EXT1: variants seen among roughly 807,000 people sequenced by gnomAD.
EXT1 encodes the protein exostosin glycosyltransferase 1.
A neutral mutation model predicts 82.5 loss-of-function variants in EXT1; 20 were observed. The observed-to-expected ratio is 0.24, with a 90% CI of 0.17 to 0.35. EXT1 has a LOEUF of 0.35. EXT1 is among the 10% of genes least tolerant of loss of function. The pLI is 1.00. For synonymous variants in EXT1, 348 were observed against 350.8 expected (o/e 0.99, Z 0.09); for missense variants, 757 against 936.5 (o/e 0.81, Z 2.50).
chr8:117,927,078 A>G (rs890259036), intron 1 of EXT1, among the ~76,000 whole-genome samples: 4 of 152,196 alleles, frequency 2.6e-5, no homozygotes, highest in African/African-American at 7.2e-5. Flanking sequence ...ACTGTCCCCT[A>G]CATAAGAAAA....
At chr8:117,815,360 C>G (rs540668561) in intron 7 of EXT1, among the ~76,000 whole-genome samples, 58 of 152,326 alleles carry the variant, frequency 3.8e-4, no homozygotes, top group African/African-American at 1.3e-3. Context: ...TCTTCCTCAT[C>G]ATCTGCCCAA....
chr8:118,016,106 TC>T (rs1433865543), intron 1 of EXT1, among the ~76,000 whole-genome samples: 1 of 152,146 alleles, frequency 6.6e-6, no homozygotes, highest in African/African-American at 2.4e-5. Flanking sequence ...TTAAAGCCAC[TC>T]CAGGCGGGGC....
intron 1 of EXT1, among the ~76,000 whole-genome samples, chr8:118,025,807 A>G (rs1353744352): frequency 6.6e-6 from 1 of 152,180 alleles, no homozygotes; most frequent in Non-Finnish European, 1.5e-5. Flanking sequence ...GACAATTATG[A>G]AACATGTCAG....
At chr8:118,037,832 T>C (rs969628085) in intron 1 of EXT1, among the ~76,000 whole-genome samples, 16 of 147,776 alleles carry the variant, frequency 1.1e-4, no homozygotes, top group African/African-American at 3.4e-4. Context: ...CAAGAGTGTT[T>C]TTTGTTTTTT....
rs1817245523 is a variant in EXT1, at chr8:118,078,244, G to T, written c.962+31841C>A. Among the ~76,000 whole-genome samples, 4 of 152,044 alleles carry T rather than the reference G, an allele frequency of 2.6e-5. No individual in the cohort carries two copies. The South Asian group carries it at 8.3e-4, about 32-fold the overall frequency. ...GATGAAGTCTCGCTCTGTCACCCAG[G>T]TTGGCGTGCAGTGGCACAATCTCCA... On this transcript the variant is annotated intron_variant, in intron 1 of 10. Transcript: ENST00000378204.
chr8:118,111,691 G>A lies in EXT1; in HGVS notation c.-645C>T, dbSNP rs556019364. On this transcript the variant is annotated 5_prime_UTR_variant, in exon 1 of 11. Coordinates refer to ENST00000378204, the MANE Select transcript of EXT1 (RefSeq NM_000127.3). ...CGGCCCCCGGGACGCGCGGCGGCCC[G>A]GCTGGAGGCGGCGGCGGCGGCGGCG... is the stretch of plus-strand genomic sequence containing the variant. 6 of 218,198 alleles carry A rather than the reference G, an allele frequency of 2.7e-5. No individual in the cohort carries two copies. In the East Asian group the frequency reaches 4.7e-4, roughly 17 times the overall value. 13.5% of individuals were successfully genotyped at this position (218,198 alleles called of 1,614,324 possible). A position where few individuals can be genotyped will look rare whatever the true frequency, so the allele number is the denominator to read the frequency against.
At chr8:117,801,801 C>G (rs7459514) in intron 10 of EXT1, among the ~76,000 whole-genome samples, 55,396 of 152,108 alleles carry the variant, frequency 0.36, 10,859 homozygotes, top group Admixed American at 0.51. Context: ...CCACTGTGCC[C>G]GGCCTGTGGG....
intron 1 of EXT1, among the ~76,000 whole-genome samples, chr8:118,104,167 C>T (rs1399278669): frequency 6.6e-6 from 1 of 152,214 alleles, no homozygotes; most frequent in African/African-American, 2.4e-5. Flanking sequence ...CTAACTCACA[C>T]TGTTGTTGAA....
chr8:117,854,251 G>T (rs1006815373), intron 1 of EXT1, among the ~76,000 whole-genome samples: 1 of 152,218 alleles, frequency 6.6e-6, no homozygotes, highest in Non-Finnish European at 1.5e-5. Context: ...ATCCAGCAAA[G>T]ACACTATTTT....
At chr8:117,809,502 T>C (rs1016905751) in intron 8 of EXT1, among the ~76,000 whole-genome samples, 1 of 151,526 alleles carries the variant, frequency 6.6e-6, no homozygotes, top group Non-Finnish European at 1.5e-5. Flanking sequence ...CTGGGCGTGG[T>C]GTTGCACGCC....
intron 1 of EXT1, among the ~76,000 whole-genome samples, chr8:118,095,195 A>G (rs921957): frequency 0.21 from 31,328 of 152,102 alleles, 3,456 homozygotes; most frequent in Admixed American, 0.28. Context: ...ATAGAAACCT[A>G]AGATTTGTTT....
chr8:118,085,707 G>A (rs193012387), intron 1 of EXT1, among the ~76,000 whole-genome samples: 8 of 151,322 alleles, frequency 5.3e-5, no homozygotes, highest in African/African-American at 9.7e-5. Context: ...TATGTTACTC[G>A]TGTGTGTGAC....
Position 118,045,501 on chromosome 8 carries a change from C to T in EXT1, c.962+64584G>A, listed in dbSNP as rs1303716362. On this transcript the variant is annotated intron_variant, in intron 1 of 10. Transcript: ENST00000378204. Reference sequence around the variant, plus strand: ...CCAAATGTGCAATCTGGGGCATGTGCGTATTAACAACATAGAATGTGGCAC... The same window carrying T: ...CCAAATGTGCAATCTGGGGCATGTGTGTATTAACAACATAGAATGTGGCAC... Among the ~76,000 whole-genome samples, 8 of 152,080 alleles carry T rather than the reference C, an allele frequency of 5.3e-5. No homozygotes were observed. The South Asian group carries it at 1.2e-3, about 24-fold the overall frequency.
chr8:117,900,270 G>A (rs867050170), intron 1 of EXT1, among the ~76,000 whole-genome samples: 85 of 152,314 alleles, frequency 5.6e-4, no homozygotes, highest in African/African-American at 1.8e-3. Context: ...CTAAGGCAAC[G>A]TCGGTACTGT....
intron 1 of EXT1, among the ~76,000 whole-genome samples, chr8:118,013,371 A>G (rs1006971394): frequency 6.6e-6 from 1 of 151,930 alleles, no homozygotes; most frequent in Admixed American, 6.6e-5. Flanking sequence ...ACTGCGCCCA[A>G]CTAATTTTTG....
At chr8:117,818,197 T>C (rs1395740964) in intron 7 of EXT1, among the ~76,000 whole-genome samples, 1 of 152,152 alleles carries the variant, frequency 6.6e-6, no homozygotes, top group East Asian at 1.9e-4. Context: ...CTGAGGCTCA[T>C]AGAGGTTAAG....
At chr8:117,848,277 T>C (rs962540186) in intron 1 of EXT1, among the ~76,000 whole-genome samples, 1 of 152,204 alleles carries the variant, frequency 6.6e-6, no homozygotes, top group African/African-American at 2.4e-5. Context: ...AGGAATATCT[T>C]TGCATGAAGG....
At chr8:117,984,847 A>T (rs1815283236) in intron 1 of EXT1, among the ~76,000 whole-genome samples, 1 of 152,204 alleles carries the variant, frequency 6.6e-6, no homozygotes, top group Non-Finnish European at 1.5e-5. Flanking sequence ...CAAAATGAGG[A>T]GGAAACATTA....
chr8:118,101,920 G>C (rs978138932), intron 1 of EXT1, among the ~76,000 whole-genome samples: 1 of 151,418 alleles, frequency 6.6e-6, no homozygotes, highest in African/African-American at 2.4e-5. Context: ...ACTCAACAAG[G>C]TGAAACCCAT....
Sources: allele counts gnomAD v4.1 joint callset (sites outside exome capture counted in the v4.1 genomes callset), GRCh38; gene constraint gnomAD v4.1.1; transcripts MANE v1.5; gene names NCBI Gene and HGNC (gene_info 2026-07-23, HGNC 2026-07-21).